Variants in ARHGEF18 observed in about 807,000 individuals in gnomAD.
ARHGEF18 encodes Rho/Rac guanine nucleotide exchange factor 18.
Under a neutral mutation model 155.7 loss-of-function variants are expected in ARHGEF18, and 93 were observed. The ratio of observed to expected loss-of-function variants is 0.60; its 90% CI spans 0.50 to 0.71. The LOEUF (loss-of-function observed/expected upper bound fraction) is 0.71. ARHGEF18 is among the 30% of genes least tolerant of loss of function. The pLI is 0.00. For synonymous variants in ARHGEF18, 742 were observed against 753.1 expected (o/e 0.99, Z 0.24); for missense variants, 1,593 against 1,816.1 (o/e 0.88, Z 2.23).
At chr19:7,364,258 A>G (rs1446298246) in intron 2 of ARHGEF18, among the ~76,000 whole-genome samples, 1 of 151,380 alleles carries the variant, frequency 6.6e-6, no homozygotes, top group East Asian at 2.0e-4. Flanking sequence ...GATGGAAGGA[A>G]GGAGGATGGA....
At chr19:7,460,426 C>A (rs987354066) in intron 20 of ARHGEF18, among the ~76,000 whole-genome samples, 1 of 152,174 alleles carries the variant, frequency 6.6e-6, no homozygotes, top group Non-Finnish European at 1.5e-5. Context: ...ACAGCACTCA[C>A]CCTCCCAAGC....
intron 4 of ARHGEF18, 99 bp downstream of exon 4, chr19:7,375,969 C>T (rs1970442247): frequency 8.3e-7 from 1 of 1,199,050 alleles, no homozygotes; most frequent in South Asian, 4.3e-5. Context: ...GCTGGTGGCG[C>T]TTACCCACCA....
At chr19:7,385,866 T>TCTCTCC (rs1568285768) in intron 10 of ARHGEF18, among the ~76,000 whole-genome samples, 5 of 82,110 alleles carry the variant, frequency 6.1e-5, no homozygotes, top group Non-Finnish European at 1.1e-4. Flanking sequence ...TCTCTCTCTC[T>TCTCTCC]CTCTCCCCCC....
At chr19:7,385,753 GGCGTGAGCCACC>G (rs1970977110) in intron 10 of ARHGEF18, among the ~76,000 whole-genome samples, 1 of 151,496 alleles carries the variant, frequency 6.6e-6, no homozygotes, top group Non-Finnish European at 1.5e-5. Flanking sequence ...TGGGATTACA[GGCGTGAGCCACC>G]GCGCCTGGCC....
chr19:7,443,923 C>T (rs1464181004), intron 13 of ARHGEF18, among the ~76,000 whole-genome samples: 1 of 151,034 alleles, frequency 6.6e-6, no homozygotes, highest in East Asian at 1.9e-4. Flanking sequence ...AAAAAAAACA[C>T]GGACTTAAAA....
intron 10 of ARHGEF18, among the ~76,000 whole-genome samples, chr19:7,429,525 C>T (rs1818177007): frequency 6.6e-6 from 1 of 152,134 alleles, no homozygotes; most frequent in African/African-American, 2.4e-5. Context: ...ATTGCTTGAA[C>T]CCGGGAGGCG....
At chr19:7,478,227 T>A in the ARHGEF18 span, 1 of 1,415,554 alleles carries the variant, frequency 7.1e-7, no homozygotes, top group Non-Finnish European at 9.7e-7. Context: ...GTCCCCAGCA[T>A]GGGCCTGCAC....
chr19:7,395,319 G>T lies in ARHGEF18; in HGVS notation c.967+12116G>T. ...GGGGCCCTCGGTCTCTTCAGGGGGTGGCCTGGGGCGCGGGACCCCCGGGGC... is the reference window on the plus strand; with the variant it reads ...GGGGCCCTCGGTCTCTTCAGGGGGTTGCCTGGGGCGCGGGACCCCCGGGGC... On this transcript the variant is annotated intron_variant, in intron 10 of 28. Transcript: ENST00000668164. The surrounding 1 kb of genome is among the most constrained non-coding windows in gnomAD (Gnocchi z 5.0). 1.0e-6 allele frequency: 1 copy of T among 985,566 alleles called. No individual in the cohort carries two copies. Among genetic ancestry groups the T allele is most frequent in the Non-Finnish European group, 1.2e-6 (1 of 830,042 alleles). 61.1% of individuals were successfully genotyped at this position (985,566 alleles called of 1,614,324 possible).
rs1203476309 is a variant in ARHGEF18, at chr19:7,462,692, T to G, written c.2635+358T>G. ...AGAGGTTCCTCTTCTTCCTGGGAGG[T>G]GGGTCCTGGTGATATCCCCAGAAAA... On this transcript the variant is annotated intron_variant, in intron 21 of 28. Transcript: ENST00000668164. This position sits in a 1 kb window ranked among gnomAD's most constrained non-coding sequence, Gnocchi z 4.4. 6.6e-6 allele frequency among the ~76,000 whole-genome samples: 1 copy of G among 151,896 alleles called. No homozygotes were observed. Among genetic ancestry groups the G allele is most frequent in the African/African-American group, 2.4e-5 (1 of 41,310 alleles).
intron 18 of ARHGEF18, among the ~76,000 whole-genome samples, chr19:7,458,199 A>C (rs888209409): frequency 8.0e-5 from 12 of 150,178 alleles, no homozygotes; most frequent in Non-Finnish European, 1.3e-4. Flanking sequence ...AGGTGGGAGG[A>C]TCACTTGAGC....
intron 2 of ARHGEF18, among the ~76,000 whole-genome samples, chr19:7,368,092 T>C (rs1470545222): frequency 6.6e-6 from 1 of 150,988 alleles, no homozygotes; most frequent in Non-Finnish European, 1.5e-5. Context: ...TGTTTGAAAT[T>C]AAGCCACTTT....
At chr19:7,425,436 C>T (rs1358943715) in intron 10 of ARHGEF18, among the ~76,000 whole-genome samples, 2 of 152,056 alleles carry the variant, frequency 1.3e-5, no homozygotes, top group Non-Finnish European at 2.9e-5. Context: ...GTAATCCCAG[C>T]AATTGGAGAG....
chr19:7,407,373 C>A (rs1281285254), intron 10 of ARHGEF18, among the ~76,000 whole-genome samples: 1 of 151,598 alleles, frequency 6.6e-6, no homozygotes, highest in Admixed American at 6.6e-5. Flanking sequence ...TTGAAGCGAG[C>A]CGAGATTGAG....
intron 10 of ARHGEF18, among the ~76,000 whole-genome samples, chr19:7,436,029 G>A (rs1974233313): frequency 6.6e-6 from 1 of 151,910 alleles, no homozygotes; most frequent in African/African-American, 2.4e-5. Context: ...TAAGAGACGA[G>A]ATCTCACTGT....
At position 7,470,050 on chromosome 19, in the gene ARHGEF18, A is replaced by G. The variant is rs777353710; in HGVS notation, c.3913+21A>G. On this transcript the variant is annotated intron_variant, in intron 28 of 28. Coordinates refer to ENST00000668164, the MANE Select transcript of ARHGEF18 (RefSeq NM_001367823.1). This position sits in a 1 kb window ranked among gnomAD's most constrained non-coding sequence, Gnocchi z 5.9. The stretch of plus-strand genomic sequence containing the variant: ...ACCAGGTGAGCCCCCACCCCCTGAC[A>G]TGAGCCCAGTCCCAGGGCAGCGGGG... 1.9e-6 allele frequency: 3 copies of G among 1,611,936 alleles called. No homozygotes were observed. The highest frequency in any genetic ancestry group is 2.5e-6 in the Non-Finnish European group (3 of 1,179,488).
chr19:7,478,264 C>A, the ARHGEF18 span: 1 of 1,586,404 alleles, frequency 6.3e-7, no homozygotes, highest in African/African-American at 1.3e-5. Context: ...CGGGATCCCA[C>A]GCCTGCTGGA....
intron 2 of ARHGEF18, among the ~76,000 whole-genome samples, chr19:7,369,278 A>G (rs972622487): frequency 6.6e-6 from 1 of 151,984 alleles, no homozygotes; most frequent in Non-Finnish European, 1.5e-5. Context: ...CCTGGGCAAC[A>G]TGGAGAAACC....
intron 2 of ARHGEF18, among the ~76,000 whole-genome samples, chr19:7,366,236 G>C (rs73923368): frequency 0.11 from 16,366 of 152,128 alleles, 2,390 homozygotes; most frequent in African/African-American, 0.33. Context: ...CGTGAGCCAC[G>C]GCGCCCAGCC....
In ARHGEF18 at chr19:7,443,334, C is replaced by T. The variant is rs535558899; in HGVS notation, c.1361-870C>T. Reference sequence around the variant, plus strand: ...CCTCCCAAAATGCTAGGATTACAGGCGTCAGCCACCATGCCCGGCCATGCC... The same window carrying T: ...CCTCCCAAAATGCTAGGATTACAGGTGTCAGCCACCATGCCCGGCCATGCC... On this transcript the variant is annotated intron_variant, in intron 13 of 28. Transcript: ENST00000668164. Among the ~76,000 whole-genome samples the T allele has an allele frequency of 4.6e-5, 7 of 152,044 alleles. No individual in the cohort carries two copies. The East Asian group carries it at 1.2e-3, about 25-fold the overall frequency.
Sources: gnomAD v4.1 joint callset for allele counts (sites outside exome capture counted in the v4.1 genomes callset) on GRCh38, gnomAD v4.1.1 for gene constraint, Gnocchi (gnomAD v3.1) non-coding constraint, MANE v1.5 for transcripts, NCBI Gene and HGNC (gene_info 2026-07-23, HGNC 2026-07-21) for gene names.